CACNA1H: variants seen among roughly 807,000 people sequenced by gnomAD.
The protein encoded by CACNA1H is voltage-dependent T-type calcium channel subunit alpha-1H.
CACNA1H carries 149 observed loss-of-function variants against 192.5 expected under a neutral mutation model. The observed-to-expected ratio is 0.77, with a 90% CI of 0.68 to 0.89. The LOEUF is 0.89. Among genes scored for constraint, CACNA1H ranks in the 40% least tolerant of loss-of-function variants. The pLI is 0.00. For synonymous variants in CACNA1H, 2,202 were observed against 1,475.2 expected, an observed-to-expected ratio of 1.49 and a Z score of -11.29; for missense variants, 4,257 against 3,423.5, an observed-to-expected ratio of 1.24 and a Z score of -6.08.
intron 6 of CACNA1H, among the ~76,000 whole-genome samples, chr16:1,199,160 G>A (rs1967413822): frequency 2.0e-5 from 1 of 49,756 alleles, no homozygotes; most frequent in Admixed American, 2.0e-4. Flanking sequence ...TGCGGTCGCT[G>A]CACATATGCC....
intron 2 of CACNA1H, among the ~76,000 whole-genome samples, chr16:1,155,617 C>T (rs1289222727): frequency 6.6e-6 from 1 of 151,930 alleles, no homozygotes; most frequent in Non-Finnish European, 1.5e-5. Flanking sequence ...ACTCTCTCCT[C>T]ACAGCCCCGG....
In CACNA1H at chr16:1,202,076, G is replaced by A; in HGVS notation, c.1626G>A (p.Glu542=). 1 of 1,541,318 alleles carries A rather than the reference G, an allele frequency of 6.5e-7. No homozygotes were observed. The change falls in exon 9 of 35, where the codon GAG becomes GAA. Residue 542 remains glutamate, a synonymous_variant. Coordinates refer to ENST00000348261, the MANE Select transcript of CACNA1H (RefSeq NM_021098.3). ...SHGSPRRPGP[E]PGACDTRLVR... ...GCAGCCCCCGCAGGCCCGGCCCCGA[G>A]CCAGGCGCCTGCGACACCAGGCTGG...
intron 6 of CACNA1H, 163 bp downstream of exon 6, chr16:1,198,937 C>G: frequency 1.6e-6 from 1 of 645,010 alleles, no homozygotes; most frequent in Non-Finnish European, 2.6e-6. Context: ...ATGCTGTCTC[C>G]CGCCCCCACC....
chr16:1,156,516 G>A lies in CACNA1H; in HGVS notation c.299+2480G>A, dbSNP rs959841412. ...CGCTTCAGATTCCTGGGAGTTGGGA[G>A]GGGGAGGCTTTGCAGGAGGCGGCAG... On this transcript the variant is annotated intron_variant, in intron 2 of 34. Transcript: ENST00000348261. 1.2e-4 allele frequency among the ~76,000 whole-genome samples: 18 copies of A among 152,214 alleles called. No individual in the cohort carries two copies. In the South Asian group the frequency reaches 1.7e-3, roughly 14 times the overall value.
In CACNA1H at chr16:1,184,878, C is replaced by T. The variant is rs80042676; in HGVS notation, c.300-10094C>T. Among the ~76,000 whole-genome samples, 1,296 of 147,632 alleles carry T rather than the reference C, an allele frequency of 8.8e-3. 29 individuals carry two copies. The highest frequency in any genetic ancestry group is 0.047 in the Admixed American group (703 of 15,082). ...GTGGTGATGACTGAAGTGAGGTTCA[C>T]GTACCATGGGATTAGCCATTTTTTT... On this transcript the variant is annotated intron_variant, in intron 2 of 34. Transcript: ENST00000348261.
chr16:1,218,470 C>T lies in CACNA1H; in HGVS notation c.5706C>T (p.Pro1902=). Residue 1902 remains proline, a synonymous_variant, in exon 33 of 35, where the codon CCC becomes CCT. Transcript: ENST00000348261. ...RRVDADRPPL[P]QESPGARDAP... Reference sequence around the variant, plus strand: ...TGGACGCGGACAGGCCTCCCTTGCCCCAGGAGAGTCCGGGCGCCAGGGACG... The same window carrying T: ...TGGACGCGGACAGGCCTCCCTTGCCTCAGGAGAGTCCGGGCGCCAGGGACG... The T allele has an allele frequency of 6.4e-7, 1 of 1,551,622 alleles. No homozygotes were observed. Among genetic ancestry groups the T allele is most frequent in the East Asian group, 2.4e-5 (1 of 40,994 alleles).
chr16:1,215,338 C>T lies in CACNA1H; in HGVS notation c.5136C>T (p.Thr1712=), dbSNP rs2091759845. 6.2e-7 allele frequency: 1 copy of T among 1,611,724 alleles called. No individual in the cohort carries two copies. Among genetic ancestry groups the T allele is most frequent in the African/African-American group, 1.3e-5 (1 of 74,908 alleles). ...EMSAALPINP[T]IIRIMRVLRI... Reference sequence around the variant, plus strand: ...GCGCCGCGCTGCCCATCAACCCCACCATCATCCGCATCATGCGCGTGCTTC... The same window carrying T: ...GCGCCGCGCTGCCCATCAACCCCACTATCATCCGCATCATGCGCGTGCTTC... Residue 1712 remains threonine (T), a synonymous_variant, in exon 29 of 35, where the codon ACC becomes ACT. Coordinates refer to ENST00000348261, the MANE Select transcript of CACNA1H (RefSeq NM_021098.3).
At chr16:1,170,286 G>A (rs139640965) in intron 2 of CACNA1H, among the ~76,000 whole-genome samples, 2,861 of 152,296 alleles carry the variant, frequency 0.019, 66 homozygotes, top group African/African-American at 0.048. Context: ...CCACGCCTTC[G>A]GGCCTTTCCC....
intron 2 of CACNA1H, among the ~76,000 whole-genome samples, chr16:1,188,671 C>T (rs950001539): frequency 2.0e-5 from 3 of 152,248 alleles, no homozygotes; most frequent in Non-Finnish European, 4.4e-5. Flanking sequence ...CGCTTTCAAG[C>T]TGGGAAGAGC....
In CACNA1H at chr16:1,215,667, CT is replaced by C. The variant is rs1969965796; in HGVS notation, c.5244+75del. On this transcript the variant is annotated intron_variant, in intron 30 of 34. Coordinates refer to ENST00000348261, the MANE Select transcript of CACNA1H (RefSeq NM_021098.3). ...TTGCAGGGAGCGCCTCGCCGTCCCC[CT>C]CTCCCCCTCACTCGTTTCTCTGGTC... 5 of 1,187,146 alleles carry C rather than the reference CT, an allele frequency of 4.2e-6. No homozygotes were observed. In the Admixed American group the frequency reaches 9.7e-5, roughly 23 times the overall value. The allele number at this position is 1,187,146 out of a possible 1,614,324, so 73.5% of individuals were successfully genotyped here.
chr16:1,154,496 G>T (rs573614106), intron 2 of CACNA1H, among the ~76,000 whole-genome samples: 1 of 152,302 alleles, frequency 6.6e-6, no homozygotes, highest in East Asian at 1.9e-4. Context: ...AAAGTTTTCA[G>T]CCGGCGCCTG....
Position 1,184,783 on chromosome 16 carries a change from G to A in CACNA1H, c.300-10189G>A, listed in dbSNP as rs113433020. Among the ~76,000 whole-genome samples, 1,015 of 152,344 alleles carry A rather than the reference G, an allele frequency of 6.7e-3. 11 individuals carry two copies. Among genetic ancestry groups the A allele is most frequent in the African/African-American group, 0.023 (966 of 41,578 alleles). ...TGGTCCAAAGGGCGCCTTCAGTGGC[G>A]ACTGCAGACAGGTGCGGGGCTCCAG... On this transcript the variant is annotated intron_variant, in intron 2 of 34. Transcript: ENST00000348261.
chr16:1,190,398 C>A lies in CACNA1H; in HGVS notation c.300-4574C>A, dbSNP rs533205232. Among the ~76,000 whole-genome samples, 171 of 152,362 alleles carry A rather than the reference C, an allele frequency of 1.1e-3. 1 individual carries two copies. The highest frequency in any genetic ancestry group is 3.7e-3 in the African/African-American group (152 of 41,596). ...CAGACACTGCCTGTCCTCAGCTGCC[C>A]ACAGAAGTGTGACACATGAGGGCCA... On this transcript the variant is annotated intron_variant, in intron 2 of 34. Coordinates refer to ENST00000348261, the MANE Select transcript of CACNA1H (RefSeq NM_021098.3).
At chr16:1,213,743 C>A (rs759765764) in intron 26 of CACNA1H, 37 bp from the exon 27 acceptor site, 71 of 1,472,604 alleles carry the variant, frequency 4.8e-5, no homozygotes, top group Admixed American at 1.1e-4. Context: ...CGCCGGGCGG[C>A]CCTCCTGCCC....
chr16:1,202,116 C>A lies in CACNA1H; in HGVS notation c.1666C>A (p.Pro556Thr). 6.5e-7 allele frequency: 1 copy of A among 1,546,164 alleles called. No individual in the cohort carries two copies. The highest frequency in any genetic ancestry group is 8.7e-7 in the Non-Finnish European group (1 of 1,145,634). The stretch of plus-strand genomic sequence containing the variant: ...CACCAGGCTGGTCCGAGCTGGCGCG[C>A]CCCCCTCGCCACCTTCCCCAGGCCG... ...CDTRLVRAGA[P>T]PSPPSPGRGP... The change falls in exon 9 of 35, where the codon CCC becomes ACC. Residue 556 changes from proline to threonine, a missense_variant. Physicochemically the swap from Pro to Thr is conservative, Grantham distance 38 (BLOSUM62 -1). Transcript: ENST00000348261.
intron 12 of CACNA1H, 92 bp from the exon 13 acceptor site, chr16:1,206,909 T>TCCCCCCCCCCC: frequency 8.6e-6 from 1 of 116,610 alleles, no homozygotes; most frequent in Non-Finnish European, 1.6e-5. Flanking sequence ...GTCCTGCCCC[T>TCCCCCCCCCCC]CCCTCCTCCC....
chr16:1,205,841 A>G (rs1968631565), intron 11 of CACNA1H, among the ~76,000 whole-genome samples: 1 of 152,124 alleles, frequency 6.6e-6, no homozygotes, highest in Admixed American at 6.5e-5. Context: ...TCGGCGAAGG[A>G]GCTTCCCTGC....
intron 30 of CACNA1H, among the ~76,000 whole-genome samples, chr16:1,216,708 CTCTG>C (rs1170347563): frequency 6.6e-6 from 1 of 152,216 alleles, no homozygotes; most frequent in African/African-American, 2.4e-5. Flanking sequence ...GAGGGGTGGG[CTCTG>C]TCTACCTGGT....
At chr16:1,157,891 C>A (rs776541860) in intron 2 of CACNA1H, 2 of 152,232 alleles carry the variant, frequency 1.3e-5, no homozygotes, top group Non-Finnish European at 2.9e-5. Context: ...TGAACTCGGC[C>A]GTTGCGCCCG....
Sources: allele counts gnomAD v4.1 joint callset (sites outside exome capture counted in the v4.1 genomes callset), GRCh38; gene constraint gnomAD v4.1.1; transcripts MANE v1.5; gene names NCBI Gene and HGNC (gene_info 2026-07-23, HGNC 2026-07-21).